The following SPMAP2L variants were observed in gnomAD, a reference collection of about 807,000 sequenced individuals.
The protein encoded by SPMAP2L is sperm microtubule associated protein 2-like.
chr4:56,603,976 T>G, the SPMAP2L span, among the ~76,000 whole-genome samples: 1 of 152,216 alleles, frequency 6.6e-6, no homozygotes, highest in Non-Finnish European at 1.5e-5. Flanking sequence ...AAATTCTCTG[T>G]AAAATTGCAT....
the SPMAP2L span, chr4:56,595,211 T>C: frequency 6.2e-7 from 1 of 1,611,722 alleles, no homozygotes; most frequent in Non-Finnish European, 8.5e-7. Flanking sequence ...AGAATTCTTT[T>C]CAGGGGTGCA....
the SPMAP2L span, among the ~76,000 whole-genome samples, chr4:56,543,274 G>C: frequency 6.6e-6 from 1 of 151,972 alleles, no homozygotes; most frequent in Non-Finnish European, 1.5e-5. Context: ...TAGTAGAGAC[G>C]GAGTTTCACC....
the SPMAP2L span, among the ~76,000 whole-genome samples, chr4:56,621,558 G>A: frequency 2.0e-5 from 3 of 152,218 alleles, no homozygotes; most frequent in South Asian, 4.1e-4. Context: ...CAAGATAAAA[G>A]ATGATATGTG....
the SPMAP2L span, among the ~76,000 whole-genome samples, chr4:56,564,111 C>T: frequency 0.45 from 67,215 of 150,210 alleles, 15,924 homozygotes; most frequent in Middle Eastern, 0.63. Flanking sequence ...TTATTAATTT[C>T]GTTGAAGCCA....
chr4:56,611,913 C>A, the SPMAP2L span, among the ~76,000 whole-genome samples: 1,174 of 152,296 alleles, frequency 7.7e-3, 15 homozygotes, highest in African/African-American at 0.027. Context: ...AAAGCCTCCC[C>A]ACACCCCTGC....
At chr4:56,548,884 T>A in the SPMAP2L span, 1 of 1,201,602 alleles carries the variant, frequency 8.3e-7, no homozygotes. Flanking sequence ...CCAATCTGGA[T>A]GGGGCAGATT....
the SPMAP2L span, among the ~76,000 whole-genome samples, chr4:56,615,805 AC>A: frequency 6.6e-6 from 1 of 152,090 alleles, no homozygotes; most frequent in African/African-American, 2.4e-5. Flanking sequence ...AGCCTAGTCC[AC>A]CCTTACAACC....
At chr4:56,590,915 A>T in the SPMAP2L span, among the ~76,000 whole-genome samples, 5 of 152,224 alleles carry the variant, frequency 3.3e-5, no homozygotes, top group South Asian at 4.1e-4. Context: ...AAGAGGTAGG[A>T]TCTTCAGTTT....
chr4:56,594,228 T>C, the SPMAP2L span: 3 of 1,605,794 alleles, frequency 1.9e-6, no homozygotes, highest in Non-Finnish European at 2.6e-6. Flanking sequence ...ACCCATCAAG[T>C]GTTCAACAGC....
chr4:56,609,046 CTTTCT>C, the SPMAP2L span, among the ~76,000 whole-genome samples: 4 of 135,652 alleles, frequency 2.9e-5, no homozygotes, highest in South Asian at 4.8e-4. Context: ...TTCTTTCTTT[CTTTCT>C]TTTTTTTTTT....
chr4:56,615,568 G>A, the SPMAP2L span, among the ~76,000 whole-genome samples: 54 of 152,198 alleles, frequency 3.5e-4, no homozygotes, highest in Non-Finnish European at 6.6e-4. Flanking sequence ...TCAACATGGC[G>A]AAACCCCGTC....
the SPMAP2L span, among the ~76,000 whole-genome samples, chr4:56,587,308 C>T: frequency 6.6e-6 from 1 of 151,764 alleles, no homozygotes; most frequent in Non-Finnish European, 1.5e-5. Context: ...CTTCATTCAA[C>T]TTTTTTCTTT....
At chr4:56,596,707 C>A in the SPMAP2L span, 1 of 1,356,022 alleles carries the variant, frequency 7.4e-7, no homozygotes, top group South Asian at 1.8e-5. Context: ...CTCTACAGGG[C>A]ATAGCCCAAA....
chr4:56,613,271 C>T, the SPMAP2L span, among the ~76,000 whole-genome samples: 2 of 152,128 alleles, frequency 1.3e-5, no homozygotes, highest in African/African-American at 4.8e-5. Context: ...TCCCTACCCA[C>T]CAGCTGCATG....
At chr4:56,593,508 G>A in the SPMAP2L span, 3 of 1,600,942 alleles carry the variant, frequency 1.9e-6, no homozygotes, top group Admixed American at 1.7e-5. Flanking sequence ...GAGCTCATCA[G>A]AGTGGGAGCC....
chr4:56,544,867 G>A, the SPMAP2L span, among the ~76,000 whole-genome samples: 1 of 152,228 alleles, frequency 6.6e-6, no homozygotes, highest in African/African-American at 2.4e-5. Flanking sequence ...AGAAAGCTCA[G>A]CAACGGCAGC....
At chr4:56,571,909 C>T in the SPMAP2L span, among the ~76,000 whole-genome samples, 1 of 152,260 alleles carries the variant, frequency 6.6e-6, no homozygotes, top group African/African-American at 2.4e-5. Flanking sequence ...ATATCACTAT[C>T]TTCCACCTCC....
the SPMAP2L span, among the ~76,000 whole-genome samples, chr4:56,611,274 A>G: frequency 6.6e-6 from 1 of 152,246 alleles, no homozygotes; most frequent in African/African-American, 2.4e-5. Context: ...AAAAGGGATG[A>G]ATTAATGGCA....
the SPMAP2L span, among the ~76,000 whole-genome samples, chr4:56,554,856 C>A: frequency 6.3e-3 from 952 of 151,808 alleles, 5 homozygotes; most frequent in African/African-American, 0.018. Flanking sequence ...ATGAAAGGTG[C>A]AAAGTCTGTG....
Sources: gnomAD v4.1 joint callset for allele counts (sites outside exome capture counted in the v4.1 genomes callset) on GRCh38, gnomAD v4.1.1 for gene constraint, MANE v1.5 for transcripts, NCBI Gene and HGNC (gene_info 2026-07-23, HGNC 2026-07-21) for gene names.